Variants in KDM4C observed in about 807,000 individuals in gnomAD.
KDM4C encodes lysine demethylase 4C, also known as lysine-specific demethylase 4C.
In KDM4C, 81 loss-of-function variants were observed where a neutral mutation model predicts 129.3. That is an observed-to-expected ratio of 0.63 (90% CI 0.52 to 0.75). The LOEUF is 0.75. KDM4C is among the 30% of genes least tolerant of loss of function. The probability of loss-of-function intolerance (pLI) is 0.00; values close to 1 mark genes in which losing one functional copy is unlikely to be tolerated. For synonymous variants in KDM4C, 573 were observed against 456.1 expected (o/e 1.26, Z -3.26); for missense variants, 1,457 against 1,304.0 (o/e 1.12, Z -1.81).
intron 17 of KDM4C, among the ~76,000 whole-genome samples, chr9:7,078,022 A>T (rs894372761): frequency 6.6e-6 from 1 of 152,180 alleles, no homozygotes; most frequent in African/African-American, 2.4e-5. Context: ...AATGTTTCTA[A>T]TATTTCTTTA....
At chr9:7,156,438 T>G (rs913863676) in intron 19 of KDM4C, among the ~76,000 whole-genome samples, 1 of 152,260 alleles carries the variant, frequency 6.6e-6, no homozygotes, top group South Asian at 2.1e-4. Flanking sequence ...CATGCCTGTG[T>G]CCTGAATGGT....
intron 5 of KDM4C, among the ~76,000 whole-genome samples, chr9:6,851,334 G>A (rs1424847780): frequency 6.6e-6 from 1 of 152,126 alleles, no homozygotes; most frequent in Non-Finnish European, 1.5e-5. Flanking sequence ...AGGGATCTCT[G>A]TTGTGTTTGT....
At chr9:6,989,136 T>C (rs1365505274) in intron 11 of KDM4C, among the ~76,000 whole-genome samples, 1 of 152,220 alleles carries the variant, frequency 6.6e-6, no homozygotes, top group Non-Finnish European at 1.5e-5. Flanking sequence ...TTTTTAGCTA[T>C]TATAAACATA....
chr9:6,985,881 G>T (rs1817605074), intron 10 of KDM4C, among the ~76,000 whole-genome samples: 1 of 152,140 alleles, frequency 6.6e-6, no homozygotes, highest in Non-Finnish European at 1.5e-5. Context: ...AGTAGAGCTG[G>T]GGTTTCGCCG....
Position 6,869,038 on chromosome 9 carries a change from C to A in KDM4C, c.630-10974C>A, listed in dbSNP as rs183093346. Reference sequence around the variant, plus strand: ...AATGATGTTAGGTAATGGTAACTTACTAATTTTTCTGATCGCTCGGGGAAT... The same window carrying A: ...AATGATGTTAGGTAATGGTAACTTAATAATTTTTCTGATCGCTCGGGGAAT... On this transcript the variant is annotated intron_variant, in intron 5 of 21. Coordinates refer to ENST00000381309, the MANE Select transcript of KDM4C (RefSeq NM_015061.6). Among the ~76,000 whole-genome samples the A allele has an allele frequency of 8.5e-5, 13 of 152,184 alleles. No individual in the cohort carries two copies. The East Asian group carries it at 1.5e-3, about 18-fold the overall frequency.
chr9:7,169,757 T>G (rs777037218), intron 20 of KDM4C, 41 bp from the exon 21 acceptor site: 1 of 1,510,594 alleles, frequency 6.6e-7, no homozygotes, highest in South Asian at 1.2e-5. Flanking sequence ...TGGTCAGTGC[T>G]GTTTTTTTAA....
intron 19 of KDM4C, among the ~76,000 whole-genome samples, chr9:7,164,548 G>A (rs1844164427): frequency 6.6e-6 from 1 of 152,138 alleles, no homozygotes; most frequent in Non-Finnish European, 1.5e-5. Context: ...ATGTAGGGGG[G>A]TCCAGGGTGT....
At chr9:6,883,900 A>C (rs1844853713) in intron 6 of KDM4C, among the ~76,000 whole-genome samples, 1 of 152,096 alleles carries the variant, frequency 6.6e-6, no homozygotes, top group Non-Finnish European at 1.5e-5. Context: ...AGCTGAAATT[A>C]AGTGGTCTCA....
chr9:6,911,229 A>G (rs1334935620), intron 8 of KDM4C, among the ~76,000 whole-genome samples: 3 of 152,216 alleles, frequency 2.0e-5, no homozygotes, highest in East Asian at 3.8e-4. Context: ...GGATGAGGGA[A>G]AAAAACCTCC....
chr9:6,925,522 C>A (rs1822326523), intron 8 of KDM4C: 4 of 892,384 alleles, frequency 4.5e-6, no homozygotes, highest in Non-Finnish European at 5.3e-6. Flanking sequence ...TTTCAATCTC[C>A]TGGCATCAAG....
intron 17 of KDM4C, among the ~76,000 whole-genome samples, chr9:7,086,708 T>C (rs1434495712): frequency 1.3e-5 from 2 of 152,262 alleles, no homozygotes; most frequent in Non-Finnish European, 1.5e-5. Context: ...TCATGGACTA[T>C]GCATGCAGGA....
chr9:7,036,803 T>C (rs1364696343), intron 15 of KDM4C, among the ~76,000 whole-genome samples: 1 of 152,174 alleles, frequency 6.6e-6, no homozygotes, highest in Non-Finnish European at 1.5e-5. Context: ...GAGGGCAGGA[T>C]CTTTGTCATT....
intron 19 of KDM4C, among the ~76,000 whole-genome samples, chr9:7,153,541 C>T (rs147852268): frequency 6.6e-6 from 1 of 152,172 alleles, no homozygotes; most frequent in Non-Finnish European, 1.5e-5. Flanking sequence ...TCAATATGCT[C>T]CCTTCTTTTT....
intron 1 of KDM4C, among the ~76,000 whole-genome samples, chr9:6,768,921 C>T (rs1821190487): frequency 6.6e-6 from 1 of 152,056 alleles, no homozygotes; most frequent in Non-Finnish European, 1.5e-5. Flanking sequence ...TACAGGTGCC[C>T]ATCACCATGC....
chr9:6,913,036 G>A (rs576082131), intron 8 of KDM4C, among the ~76,000 whole-genome samples: 5 of 152,244 alleles, frequency 3.3e-5, no homozygotes, highest in South Asian at 4.1e-4. Flanking sequence ...GAAAATACTG[G>A]TCGTATCAGT....
rs1186296239 is a variant in KDM4C, at chr9:6,790,654, CAAAAAAAAAAA to C, written c.-17-2300_-17-2290del. ...TTTCTGTCAGGCAGATTAAATTCAGCAAAAAAAAAAAAAAAAAAAAAAAAAAAAGAGGAAAA... is the reference window on the plus strand; with the variant it reads ...TTTCTGTCAGGCAGATTAAATTCAGCAAAAAAAAAAAAAAAAAGAGGAAAA... On this transcript the variant is annotated intron_variant, in intron 1 of 21. Coordinates refer to ENST00000381309, the MANE Select transcript of KDM4C (RefSeq NM_015061.6). Among the ~76,000 whole-genome samples, 34 of 65,232 alleles carry C rather than the reference CAAAAAAAAAAA, an allele frequency of 5.2e-4. No homozygotes were observed. In the East Asian group the frequency reaches 0.012, roughly 23 times the overall value. 42.8% of individuals were successfully genotyped at this position (65,232 alleles called of 152,430 possible).
chr9:7,024,015 T>C (rs963512849), intron 15 of KDM4C, among the ~76,000 whole-genome samples: 3 of 152,240 alleles, frequency 2.0e-5, no homozygotes, highest in Non-Finnish European at 4.4e-5. Context: ...TATTGCACTT[T>C]TTTTGAACGT....
chr9:7,129,482 A>G (rs1840383005), intron 19 of KDM4C, among the ~76,000 whole-genome samples: 1 of 152,240 alleles, frequency 6.6e-6, no homozygotes, highest in Non-Finnish European at 1.5e-5. Flanking sequence ...ACTGTTATTC[A>G]TAAACAGCAT....
intron 1 of KDM4C, among the ~76,000 whole-genome samples, chr9:6,774,503 A>G (rs557233913): frequency 1.3e-5 from 2 of 152,008 alleles, no homozygotes; most frequent in East Asian, 1.9e-4. Flanking sequence ...TGTCTCTACT[A>G]AAAATACAAA....
Sources: allele counts gnomAD v4.1 joint callset (sites outside exome capture counted in the v4.1 genomes callset), GRCh38; gene constraint gnomAD v4.1.1; transcripts MANE v1.5; gene names NCBI Gene and HGNC (gene_info 2026-07-23, HGNC 2026-07-21).